The following DNM3 variants were observed in gnomAD, a reference collection of about 807,000 sequenced individuals.
DNM3 encodes the protein dynamin 3.
A neutral mutation model predicts 101.6 loss-of-function variants in DNM3; 47 were observed. The ratio of observed to expected loss-of-function variants is 0.46; its 90% CI spans 0.37 to 0.59. The LOEUF (loss-of-function observed/expected upper bound fraction) is 0.59, where lower values mean the gene tolerates loss of function less well. DNM3 is among the 20% of genes least tolerant of loss of function. The pLI, the probability that DNM3 is intolerant of heterozygous loss-of-function variation, is 0.00. For synonymous variants in DNM3, 385 were observed against 387.9 expected (o/e 0.99, Z 0.09); for missense variants, 849 against 1,085.7 (o/e 0.78, Z 3.06).
At chr1:171,934,931 A>G (rs549914434) in intron 2 of DNM3, among the ~76,000 whole-genome samples, 2 of 152,236 alleles carry the variant, frequency 1.3e-5, no homozygotes, top group East Asian at 1.9e-4. Flanking sequence ...ATCTTCTGGG[A>G]TAGATATTAT....
chr1:172,233,790 C>A (rs2061430800), intron 14 of DNM3, among the ~76,000 whole-genome samples: 1 of 152,068 alleles, frequency 6.6e-6, no homozygotes, highest in East Asian at 1.9e-4. Flanking sequence ...CGACAAAAAC[C>A]ACATGATTAT....
intron 15 of DNM3, among the ~76,000 whole-genome samples, chr1:172,285,864 C>A (rs796160092): frequency 9.2e-5 from 14 of 152,170 alleles, no homozygotes; most frequent in African/African-American, 3.1e-4. Context: ...ACAGCCCCAA[C>A]GCAGTCCCAG....
intron 18 of DNM3, among the ~76,000 whole-genome samples, chr1:172,380,477 A>G (rs1426599941): frequency 6.6e-6 from 1 of 152,108 alleles, no homozygotes; most frequent in African/African-American, 2.4e-5. Flanking sequence ...TATGTATTCA[A>G]ACAAGGTTAG....
Position 172,409,587 on chromosome 1 carries a change from A to C in DNM3, c.*1746A>C. 1 of 985,376 alleles carries C rather than the reference A, an allele frequency of 1.0e-6. No homozygotes were observed. The highest frequency in any genetic ancestry group is 1.2e-6 in the Non-Finnish European group (1 of 829,810). 61.0% of individuals were successfully genotyped at this position (985,376 alleles called of 1,614,324 possible). On this transcript the variant is annotated 3_prime_UTR_variant, in exon 21 of 21. Transcript: ENST00000627582. ...CTCTCGTATCTCACCCCAAACCCCA[A>C]ACTGGGGGAAAAAAAGTTAACTCTT...
chr1:172,251,080 T>A (rs917112818), intron 14 of DNM3, among the ~76,000 whole-genome samples: 7 of 152,288 alleles, frequency 4.6e-5, no homozygotes, highest in Non-Finnish European at 1.0e-4. Context: ...TTCTAGCTAA[T>A]CCCAGTTGAG....
chr1:172,160,390 T>G (rs1012011271), intron 14 of DNM3, among the ~76,000 whole-genome samples: 9 of 152,252 alleles, frequency 5.9e-5, no homozygotes, highest in Admixed American at 5.9e-4. Flanking sequence ...AATTTCTTTT[T>G]TAATATCCTT....
intron 2 of DNM3, among the ~76,000 whole-genome samples, chr1:171,928,938 C>T (rs1477336624): frequency 6.6e-6 from 1 of 152,212 alleles, no homozygotes; most frequent in African/African-American, 2.4e-5. Context: ...GCAAAACAGC[C>T]ATGATGGCGG....
chr1:171,910,941 T>TC (rs1284689358), intron 1 of DNM3, among the ~76,000 whole-genome samples: 1 of 152,160 alleles, frequency 6.6e-6, no homozygotes, highest in Non-Finnish European at 1.5e-5. Flanking sequence ...AAGAGTGAGT[T>TC]CATTCCTCAA....
At chr1:172,233,567 G>T (rs904675290) in intron 14 of DNM3, among the ~76,000 whole-genome samples, 1 of 152,102 alleles carries the variant, frequency 6.6e-6, no homozygotes, top group African/African-American at 2.4e-5. Flanking sequence ...TGATACCAAA[G>T]CCTGGCAGAG....
chr1:172,246,441 C>G (rs893399920), intron 14 of DNM3, among the ~76,000 whole-genome samples: 1 of 151,686 alleles, frequency 6.6e-6, no homozygotes, highest in African/African-American at 2.4e-5. Context: ...TGGGAAAAGA[C>G]AAGAAGGCTG....
At chr1:172,151,647 T>C (rs956392740) in intron 14 of DNM3, among the ~76,000 whole-genome samples, 1 of 152,224 alleles carries the variant, frequency 6.6e-6, no homozygotes, top group African/African-American at 2.4e-5. Flanking sequence ...TATTAAATAA[T>C]CATTTTTTCT....
At chr1:171,891,571 A>C (rs77506507) in intron 1 of DNM3, among the ~76,000 whole-genome samples, 5,013 of 152,178 alleles carry the variant, frequency 0.033, 126 homozygotes, top group Non-Finnish European at 0.049. Context: ...ATTACATTTC[A>C]TCATCATGTC....
intron 15 of DNM3, among the ~76,000 whole-genome samples, chr1:172,305,067 C>T (rs998053046): frequency 6.6e-6 from 1 of 151,952 alleles, no homozygotes; most frequent in Non-Finnish European, 1.5e-5. Context: ...ACACAAATAC[C>T]CTTCAAAAAA....
intron 14 of DNM3, chr1:172,142,062 G>A (rs1466785077): frequency 6.6e-6 from 1 of 151,958 alleles, no homozygotes; most frequent in East Asian, 1.9e-4. Context: ...AAATTTCTAT[G>A]AAGTGTAGTT....
chr1:171,949,675 CA>C (rs746795161), intron 2 of DNM3, among the ~76,000 whole-genome samples: 1 of 152,030 alleles, frequency 6.6e-6, no homozygotes, highest in Non-Finnish European at 1.5e-5. Context: ...CTTGGTTTCC[CA>C]AAGTGCTGGG....
chr1:172,413,516 C>T (rs1240895129), downstream of DNM3, among the ~76,000 whole-genome samples: 5 of 152,086 alleles, frequency 3.3e-5, no homozygotes, highest in Non-Finnish European at 5.9e-5. Flanking sequence ...TGTGAGCCAC[C>T]GCACCCGGCC....
chr1:171,943,005 A>G (rs1440358482), intron 2 of DNM3, among the ~76,000 whole-genome samples: 1 of 152,112 alleles, frequency 6.6e-6, no homozygotes, highest in African/African-American at 2.4e-5. Context: ...CCAGCTGCTC[A>G]GGAGGCTGAG....
chr1:171,905,489 G>T (rs914536754), intron 1 of DNM3, among the ~76,000 whole-genome samples: 1 of 152,202 alleles, frequency 6.6e-6, no homozygotes, highest in Admixed American at 6.5e-5. Flanking sequence ...GAGAGTCCAA[G>T]TAGCAAAAGC....
intron 15 of DNM3, among the ~76,000 whole-genome samples, chr1:172,260,728 G>A (rs919101258): frequency 3.3e-5 from 5 of 151,874 alleles, no homozygotes; most frequent in Admixed American, 3.3e-4. Flanking sequence ...TTGTTTTTCT[G>A]ATTTCTTTGT....
Sources: gnomAD v4.1 joint callset for allele counts (sites outside exome capture counted in the v4.1 genomes callset) on GRCh38, gnomAD v4.1.1 for gene constraint, MANE v1.5 for transcripts, NCBI Gene and HGNC (gene_info 2026-07-23, HGNC 2026-07-21) for gene names.